IFT74: variants seen among roughly 807,000 people sequenced by gnomAD.
IFT74 encodes intraflagellar transport protein 74 homolog.
In IFT74, 92 loss-of-function variants were observed where a neutral mutation model predicts 96.7. The observed-to-expected ratio is 0.95, with a 90% CI of 0.80 to 1.13. IFT74 has a LOEUF of 1.13. Among genes scored for constraint, IFT74 ranks in the 50% most tolerant of loss-of-function variants. IFT74 has a pLI of 0.00. For missense variants in IFT74, 811 were observed against 698.2 expected (o/e 1.16, Z -1.82); for synonymous variants, 223 against 213.2 (o/e 1.05, Z -0.40).
chr9:27,008,282 A>C (rs1274973409), intron 8 of IFT74, among the ~76,000 whole-genome samples: 3 of 152,156 alleles, frequency 2.0e-5, no homozygotes, highest in Non-Finnish European at 4.4e-5. Flanking sequence ...TACACGGGAA[A>C]CTTCTATACA....
chr9:27,006,938 G>T (rs965677074), intron 8 of IFT74, among the ~76,000 whole-genome samples: 1 of 145,366 alleles, frequency 6.9e-6, no homozygotes, highest in Non-Finnish European at 1.5e-5. Context: ...CCGGGTTGAC[G>T]CCATTCTCCT....
chr9:26,995,794 TACAGTGACA>T (rs766878833), intron 8 of IFT74: 88 of 1,613,252 alleles, frequency 5.5e-5, no homozygotes, highest in Non-Finnish European at 7.1e-5. Context: ...AAGTCGTCAG[TACAGTGACA>T]ACAACACCAA....
At chr9:26,993,139 A>G (rs1237499966) in intron 8 of IFT74, 1 of 151,930 alleles carries the variant, frequency 6.6e-6, no homozygotes, top group Non-Finnish European at 1.5e-5. Flanking sequence ...ATACCCATTT[A>G]TTTTTCTTTG....
chr9:27,026,640 G>A (rs1262000950), intron 12 of IFT74, among the ~76,000 whole-genome samples: 1 of 152,066 alleles, frequency 6.6e-6, no homozygotes, highest in Non-Finnish European at 1.5e-5. Context: ...GACCACAGTG[G>A]AATAAAACTG....
At chr9:27,005,225 A>C (rs1828704766) in intron 8 of IFT74, among the ~76,000 whole-genome samples, 2 of 151,976 alleles carry the variant, frequency 1.3e-5, no homozygotes, top group Admixed American at 1.3e-4. Flanking sequence ...ATAATCATCA[A>C]CTCATGGCCA....
intron 9 of IFT74, among the ~76,000 whole-genome samples, chr9:27,009,374 C>T (rs1487192808): frequency 3.3e-5 from 5 of 152,086 alleles, no homozygotes; most frequent in African/African-American, 1.2e-4. Flanking sequence ...GATGACCTAG[C>T]TTTTACTCTT....
At chr9:26,971,172 C>G (rs1031261603) in intron 2 of IFT74, among the ~76,000 whole-genome samples, 5 of 152,198 alleles carry the variant, frequency 3.3e-5, no homozygotes, top group African/African-American at 1.2e-4. Context: ...AAGTGATTCA[C>G]TATTATCAAT....
intron 8 of IFT74, chr9:26,997,948 CTG>C (rs1416782569): frequency 1.2e-6 from 2 of 1,613,786 alleles, no homozygotes; most frequent in African/African-American, 1.3e-5. Flanking sequence ...AGAGATATAA[CTG>C]TTTTAGTTTA....
intron 13 of IFT74, among the ~76,000 whole-genome samples, chr9:27,042,220 A>G (rs1353538173): frequency 6.6e-6 from 1 of 152,208 alleles, no homozygotes; most frequent in Admixed American, 6.5e-5. Flanking sequence ...CAGAGAATAT[A>G]TTAAATTTGA....
chr9:26,967,220 C>T (rs1363524477), intron 2 of IFT74, among the ~76,000 whole-genome samples: 1 of 151,930 alleles, frequency 6.6e-6, no homozygotes, highest in Non-Finnish European at 1.5e-5. Flanking sequence ...TTGATTCTTC[C>T]AATCCATGAA....
At chr9:26,989,950 CTT>C (rs1294858390) in intron 7 of IFT74, among the ~76,000 whole-genome samples, 182 bp from the exon 8 acceptor site, 1 of 152,016 alleles carries the variant, frequency 6.6e-6, no homozygotes, top group African/African-American at 2.4e-5. Context: ...CTTAAAAAGA[CTT>C]TTTAAAAATC....
At chr9:27,022,475 T>A (rs1277683839) in intron 12 of IFT74, among the ~76,000 whole-genome samples, 3 of 152,224 alleles carry the variant, frequency 2.0e-5, no homozygotes, top group African/African-American at 7.2e-5. Flanking sequence ...GGAATATGTT[T>A]CCATTTGTTT....
At chr9:26,950,285 C>G (rs1243587859) in intron 1 of IFT74, among the ~76,000 whole-genome samples, 2 of 149,120 alleles carry the variant, frequency 1.3e-5, no homozygotes, top group South Asian at 4.3e-4. Flanking sequence ...GCACTCCAGC[C>G]TGGCAACAGA....
chr9:27,033,325 A>AG (rs1372137414), intron 13 of IFT74, among the ~76,000 whole-genome samples: 2 of 151,838 alleles, frequency 1.3e-5, no homozygotes, highest in African/African-American at 2.4e-5. Context: ...TGGGAGGCTG[A>AG]GGGGGGTGGA....
chr9:26,964,557 T>A (rs908692376), intron 2 of IFT74, among the ~76,000 whole-genome samples: 16 of 152,118 alleles, frequency 1.1e-4, no homozygotes, highest in Non-Finnish European at 2.1e-4. Context: ...CCTTGGGCAG[T>A]ATGGCCATTT....
intron 2 of IFT74, among the ~76,000 whole-genome samples, chr9:26,967,675 C>A (rs992385403): frequency 1.3e-5 from 2 of 152,126 alleles, no homozygotes; most frequent in African/African-American, 4.8e-5. Flanking sequence ...TGTTCTAGAT[C>A]TTAGAGGAAA....
intron 8 of IFT74, chr9:26,998,134 A>G (rs764673223): frequency 8.7e-6 from 14 of 1,611,844 alleles, no homozygotes; most frequent in Non-Finnish European, 1.2e-5. Flanking sequence ...TTGTGTCTGT[A>G]CCATTAAGAG....
At chr9:26,964,540 T>A (rs1378116143) in intron 2 of IFT74, among the ~76,000 whole-genome samples, 1 of 152,090 alleles carries the variant, frequency 6.6e-6, no homozygotes, top group Non-Finnish European at 1.5e-5. Context: ...ATTGAATCTA[T>A]AAATTACCTT....
At position 26,987,188 on chromosome 9, in the gene IFT74, T is replaced by A. The variant is rs186124037; in HGVS notation, c.466-1481T>A. Among the ~76,000 whole-genome samples the A allele has an allele frequency of 4.9e-3, 740 of 152,064 alleles. 2 individuals are homozygous for A. The highest frequency in any genetic ancestry group is 8.5e-3 in the Admixed American group (130 of 15,242). ...CTTCAGCCTCCTGAGTAGCTGGGAT[T>A]ACAGGCGCTTGCCACCAGCTGGGAT... On this transcript the variant is annotated intron_variant, in intron 6 of 19. Coordinates refer to ENST00000380062, the MANE Select transcript of IFT74 (RefSeq NM_025103.4).
Sources: allele counts gnomAD v4.1 joint callset (sites outside exome capture counted in the v4.1 genomes callset), GRCh38; gene constraint gnomAD v4.1.1; transcripts MANE v1.5; gene names NCBI Gene and HGNC (gene_info 2026-07-23, HGNC 2026-07-21).